PAK1: variants seen among roughly 807,000 people sequenced by gnomAD.
PAK1 encodes serine/threonine-protein kinase PAK 1.
PAK1 carries 29 observed loss-of-function variants against 67.4 expected under a neutral mutation model. The ratio of observed to expected loss-of-function variants is 0.43; its 90% CI spans 0.32 to 0.59. The LOEUF (loss-of-function observed/expected upper bound fraction) is 0.59, where lower values mean the gene tolerates loss of function less well. PAK1 is among the 20% of genes least tolerant of loss of function. The probability of loss-of-function intolerance (pLI) is 0.07; values close to 1 mark genes in which losing one functional copy is unlikely to be tolerated. For synonymous variants in PAK1, 223 were observed against 237.4 expected (o/e 0.94, Z 0.56); for missense variants, 337 against 670.7 (o/e 0.50, Z 5.50).
At chr11:77,501,938 A>G in the PAK1 span, among the ~76,000 whole-genome samples, 1 of 123,760 alleles carries the variant, frequency 8.1e-6, no homozygotes. Context: ...GAAGCAATAA[A>G]CCAAATTCCT....
intron 2 of PAK1, among the ~76,000 whole-genome samples, chr11:77,390,860 C>T (rs1951047772): frequency 6.6e-6 from 1 of 152,110 alleles, no homozygotes; most frequent in African/African-American, 2.4e-5. Flanking sequence ...TAGAAGGACT[C>T]ATACACATAA....
chr11:77,472,997 G>A (rs1013248270), intron 1 of PAK1, among the ~76,000 whole-genome samples: 1 of 152,074 alleles, frequency 6.6e-6, no homozygotes, highest in Non-Finnish European at 1.5e-5. Context: ...TTCCCCGGTT[G>A]TTTTTCACTT....
At chr11:77,341,515 G>A (rs945045526) in intron 10 of PAK1, among the ~76,000 whole-genome samples, 3 of 152,116 alleles carry the variant, frequency 2.0e-5, no homozygotes, top group Non-Finnish European at 2.9e-5. Context: ...GAGAGATTAT[G>A]GGCTGACATG....
chr11:77,435,349 T>C (rs1324275663), intron 1 of PAK1, among the ~76,000 whole-genome samples: 3 of 152,326 alleles, frequency 2.0e-5, no homozygotes, highest in South Asian at 2.1e-4. Flanking sequence ...TATATGATCA[T>C]GACTTCACAC....
chr11:77,413,965 C>T lies in PAK1; in HGVS notation c.-21-21424G>A, dbSNP rs555229975. Among the ~76,000 whole-genome samples the T allele has an allele frequency of 3.2e-4, 49 of 152,314 alleles. 1 individual carries two copies. The South Asian group carries it at 9.7e-3, about 30-fold the overall frequency. On this transcript the variant is annotated intron_variant, in intron 1 of 14. Transcript: ENST00000356341. ...ATCTTACTCGACTTCCCACCCCATGCAGCATCCTCTTATAGATGGTCTTCC... is the reference window on the plus strand; with the variant it reads ...ATCTTACTCGACTTCCCACCCCATGTAGCATCCTCTTATAGATGGTCTTCC...
intron 1 of PAK1, among the ~76,000 whole-genome samples, chr11:77,435,516 C>T (rs1393224659): frequency 4.1e-5 from 6 of 144,944 alleles, no homozygotes; most frequent in South Asian, 4.4e-4. Flanking sequence ...TTTTTTGAGA[C>T]GGAGTCTCAC....
the PAK1 span, among the ~76,000 whole-genome samples, chr11:77,518,639 GC>G: frequency 6.6e-6 from 1 of 152,084 alleles, no homozygotes; most frequent in East Asian, 1.9e-4. Context: ...ACACCCACCA[GC>G]AGCCCTTCCT....
At chr11:77,346,987 T>C (rs1052377923) in intron 9 of PAK1, 3 of 455,848 alleles carry the variant, frequency 6.6e-6, no homozygotes, top group African/African-American at 2.0e-5. Flanking sequence ...TGTGAGACAC[T>C]AGGTCTGCCC....
intron 6 of PAK1, chr11:77,356,373 C>G (rs535022265): frequency 6.6e-6 from 1 of 152,590 alleles, no homozygotes; most frequent in African/African-American, 2.4e-5. Flanking sequence ...GTTACTCCCT[C>G]CTTACATCCT....
At chr11:77,463,311 C>G (rs779237047) in intron 1 of PAK1, among the ~76,000 whole-genome samples, 4 of 151,994 alleles carry the variant, frequency 2.6e-5, no homozygotes, top group Non-Finnish European at 5.9e-5. Context: ...ACCACAGAAT[C>G]TAAATAATGG....
intron 1 of PAK1, chr11:77,397,267 T>C (rs1429810742): frequency 6.6e-6 from 1 of 152,240 alleles, no homozygotes; most frequent in Non-Finnish European, 1.5e-5. Flanking sequence ...CTAATTATAT[T>C]GAAGCATTAA....
intron 1 of PAK1, among the ~76,000 whole-genome samples, chr11:77,413,145 C>T (rs1230094782): frequency 6.6e-6 from 1 of 152,172 alleles, no homozygotes; most frequent in Non-Finnish European, 1.5e-5. Context: ...AGGAGTTAGG[C>T]TTTTGTTCCA....
intron 1 of PAK1, among the ~76,000 whole-genome samples, chr11:77,451,067 C>A (rs1956830571): frequency 1.3e-5 from 2 of 152,172 alleles, no homozygotes. Flanking sequence ...TTTAGGGAAA[C>A]CATTTGAGAA....
At chr11:77,406,539 A>G (rs1953591681) in intron 1 of PAK1, among the ~76,000 whole-genome samples, 2 of 152,146 alleles carry the variant, frequency 1.3e-5, no homozygotes, top group African/African-American at 4.8e-5. Context: ...CACTTTGGGG[A>G]GGCTGAGGTG....
the PAK1 span, among the ~76,000 whole-genome samples, chr11:77,509,573 T>C: frequency 4.7e-4 from 72 of 152,320 alleles, no homozygotes; most frequent in South Asian, 0.014. Flanking sequence ...GTTTGGATAT[T>C]TGTCCCCACC....
chr11:77,511,007 C>T, the PAK1 span, among the ~76,000 whole-genome samples: 5 of 152,170 alleles, frequency 3.3e-5, no homozygotes, highest in African/African-American at 1.2e-4. Context: ...CTGACTATGA[C>T]TTCTGTGTGG....
chr11:77,463,688 T>C (rs941942935), intron 1 of PAK1, among the ~76,000 whole-genome samples: 2 of 152,256 alleles, frequency 1.3e-5, no homozygotes, highest in South Asian at 2.1e-4. Context: ...TGGCAATTAC[T>C]GTCTCCATCT....
chr11:77,492,322 C>T, the PAK1 span, among the ~76,000 whole-genome samples: 7,889 of 149,740 alleles, frequency 0.053, 482 homozygotes, highest in African/African-American at 0.15. Context: ...GCAACAAGAG[C>T]GAGACTCCAT....
At chr11:77,390,242 T>C (rs1027376183) in intron 2 of PAK1, among the ~76,000 whole-genome samples, 17 of 152,142 alleles carry the variant, frequency 1.1e-4, no homozygotes, top group African/African-American at 3.9e-4. Flanking sequence ...TCTTGTTGCC[T>C]AGGCTGGAGT....
Sources: gnomAD v4.1 joint callset for allele counts (sites outside exome capture counted in the v4.1 genomes callset) on GRCh38, gnomAD v4.1.1 for gene constraint, MANE v1.5 for transcripts, NCBI Gene and HGNC (gene_info 2026-07-23, HGNC 2026-07-21) for gene names.